The following RBMS3 variants were observed in gnomAD, a reference collection of about 807,000 sequenced individuals.
RBMS3 encodes RNA-binding motif, single-stranded-interacting protein 3.
RBMS3 carries 27 observed loss-of-function variants against 66.8 expected under a neutral mutation model. That is an observed-to-expected ratio of 0.40 (90% CI 0.30 to 0.56). RBMS3 has a LOEUF of 0.56. Among genes scored for constraint, RBMS3 ranks in the 20% least tolerant of loss-of-function variants. RBMS3 has a pLI of 0.40. For synonymous variants in RBMS3, 188 were observed against 183.0 expected (o/e 1.03, Z -0.22); for missense variants, 513 against 549.5 (o/e 0.93, Z 0.66).
At chr3:29,731,110 C>T (rs528247825) in intron 4 of RBMS3, 1 of 823,554 alleles carries the variant, frequency 1.2e-6, no homozygotes, top group African/African-American at 1.9e-5. Flanking sequence ...TAAAAGCCAG[C>T]CCAAGCCTTA....
intron 2 of RBMS3, among the ~76,000 whole-genome samples, chr3:29,482,781 C>T (rs751889859): frequency 1.2e-4 from 17 of 136,774 alleles, no homozygotes; most frequent in Non-Finnish European, 7.6e-5. Flanking sequence ...GATCTCGGCT[C>T]ACTGCAATCT....
At chr3:29,373,105 T>C (rs902566581) in intron 1 of RBMS3, among the ~76,000 whole-genome samples, 6 of 152,170 alleles carry the variant, frequency 3.9e-5, no homozygotes, top group Non-Finnish European at 2.9e-5. Flanking sequence ...TCTGAATTAT[T>C]GTATGATGTT....
chr3:29,293,006 C>A (rs769530583), intron 1 of RBMS3, among the ~76,000 whole-genome samples: 1 of 151,862 alleles, frequency 6.6e-6, no homozygotes, highest in Non-Finnish European at 1.5e-5. Flanking sequence ...GTTATGTAGA[C>A]AATTAGTGCT....
intron 6 of RBMS3, among the ~76,000 whole-genome samples, chr3:29,784,656 G>C (rs924935202): frequency 2.0e-5 from 3 of 151,646 alleles, no homozygotes; most frequent in Non-Finnish European, 4.4e-5. Context: ...TCAAACCCAC[G>C]CCCAACAGAA....
At chr3:29,797,273 A>C (rs967913863) in intron 6 of RBMS3, among the ~76,000 whole-genome samples, 1 of 152,182 alleles carries the variant, frequency 6.6e-6, no homozygotes, top group African/African-American at 2.4e-5. Context: ...TTGCAGTTTT[A>C]TGTTATGGAA....
intron 10 of RBMS3, among the ~76,000 whole-genome samples, chr3:29,924,222 C>T (rs1394373385): frequency 6.6e-6 from 1 of 152,118 alleles, no homozygotes; most frequent in Non-Finnish European, 1.5e-5. Flanking sequence ...GCCACAACCC[C>T]ACCGGAAAAA....
intron 4 of RBMS3, chr3:29,696,862 C>A: frequency 1.3e-6 from 1 of 756,852 alleles, no homozygotes; most frequent in Non-Finnish European, 1.6e-6. Flanking sequence ...AGTCATCATA[C>A]ACAAGGGGTG....
At chr3:29,415,642 C>T (rs766471130) in intron 1 of RBMS3, among the ~76,000 whole-genome samples, 6 of 152,082 alleles carry the variant, frequency 3.9e-5, no homozygotes, top group Non-Finnish European at 5.9e-5. Context: ...AGACAGTTAC[C>T]TTAATCCATA....
chr3:29,358,258 A>T (rs913004127), intron 1 of RBMS3, among the ~76,000 whole-genome samples: 2 of 152,106 alleles, frequency 1.3e-5, no homozygotes, highest in Non-Finnish European at 2.9e-5. Context: ...TCATCTTTCT[A>T]CTTATGGCTA....
intron 1 of RBMS3, among the ~76,000 whole-genome samples, chr3:29,291,954 G>A (rs547562535): frequency 6.6e-6 from 1 of 151,720 alleles, no homozygotes; most frequent in East Asian, 2.0e-4. Flanking sequence ...AAGATCCCAA[G>A]CCTAGACATA....
At chr3:29,567,874 G>A (rs3773089) in intron 3 of RBMS3, among the ~76,000 whole-genome samples, 1,555 of 152,088 alleles carry the variant, frequency 0.01, 53 homozygotes, top group East Asian at 0.08. Context: ...AATTATTCCT[G>A]TAAAAATAGC....
intron 8 of RBMS3, among the ~76,000 whole-genome samples, chr3:29,884,422 T>TTCTCTCTC (rs571002730): frequency 0.011 from 478 of 41,836 alleles, 27 homozygotes; most frequent in East Asian, 0.036. Context: ...TTAAACCCTG[T>TTCTCTCTC]TCTCTCTCTC....
At chr3:29,329,178 C>T (rs9813285) in intron 1 of RBMS3, among the ~76,000 whole-genome samples, 94,281 of 151,850 alleles carry the variant, frequency 0.62, 29,600 homozygotes, top group East Asian at 0.78. Context: ...AAATGTTCTC[C>T]AGTTGGTTTT....
intron 4 of RBMS3, chr3:29,698,717 T>C: frequency 1.6e-6 from 1 of 608,466 alleles, no homozygotes; most frequent in Non-Finnish European, 2.1e-6. Flanking sequence ...GACTATGCTA[T>C]TCTTAATGTT....
chr3:29,722,279 C>T (rs1215343185), intron 4 of RBMS3, among the ~76,000 whole-genome samples: 2 of 152,082 alleles, frequency 1.3e-5, no homozygotes, highest in African/African-American at 4.8e-5. Context: ...AAATTTTCCA[C>T]GTACTAACAT....
chr3:29,486,027 G>A (rs1458830589), intron 2 of RBMS3, among the ~76,000 whole-genome samples: 5 of 152,014 alleles, frequency 3.3e-5, no homozygotes, highest in Non-Finnish European at 5.9e-5. Context: ...AATCTGCAGA[G>A]TAGTTTTCAT....
chr3:29,397,498 T>G (rs1237141938), intron 1 of RBMS3, among the ~76,000 whole-genome samples: 3 of 152,144 alleles, frequency 2.0e-5, no homozygotes, highest in African/African-American at 7.2e-5. Context: ...CTTTTACCAT[T>G]GTACTCAGCA....
chr3:29,677,947 C>T (rs1310651995), intron 4 of RBMS3, among the ~76,000 whole-genome samples: 1 of 152,120 alleles, frequency 6.6e-6, no homozygotes, highest in African/African-American at 2.4e-5. Flanking sequence ...GCCTCAGTTT[C>T]TTTACAAAGT....
At chr3:29,980,683 A>G (rs776461491) in intron 12 of RBMS3, among the ~76,000 whole-genome samples, 1 of 152,196 alleles carries the variant, frequency 6.6e-6, no homozygotes, top group Non-Finnish European at 1.5e-5. Context: ...CACTTATTAA[A>G]TAGGGAATCC....
Sources: gnomAD v4.1 joint callset for allele counts (sites outside exome capture counted in the v4.1 genomes callset) on GRCh38, gnomAD v4.1.1 for gene constraint, MANE v1.5 for transcripts, NCBI Gene and HGNC (gene_info 2026-07-23, HGNC 2026-07-21) for gene names.